CYP27C1: variants seen among roughly 807,000 people sequenced by gnomAD.
CYP27C1 encodes cytochrome P450 27C1.
A neutral mutation model predicts 40.6 loss-of-function variants in CYP27C1; 29 were observed. The observed-to-expected ratio is 0.71, with a 90% CI of 0.53 to 0.97. The LOEUF (loss-of-function observed/expected upper bound fraction) is 0.97, where lower values mean the gene tolerates loss of function less well. Ranked by LOEUF, CYP27C1 falls within the 50% of genes least tolerant of loss-of-function variation. The pLI is 0.00. For synonymous variants in CYP27C1, 198 were observed against 186.8 expected, an observed-to-expected ratio of 1.06 and a Z score of -0.49; for missense variants, 390 against 485.8, an observed-to-expected ratio of 0.80 and a Z score of 1.85.
In CYP27C1 at chr2:127,219,379, G is replaced by T. The variant is rs1683502861; in HGVS notation, c.282+610C>A. Among the ~76,000 whole-genome samples the T allele has an allele frequency of 6.6e-6, 1 of 150,972 alleles. No individual in the cohort carries two copies. The highest frequency in any genetic ancestry group is 2.1e-4 in the South Asian group (1 of 4,744). ...GGACCTCAGCCCTGGTGCCCTCCCC[G>T]CAGTCCCATTCCTGGTTTCCCTTCG... On this transcript the variant is annotated intron_variant, in intron 1 of 8. Transcript: ENST00000664447. This position sits in a 1 kb window ranked among gnomAD's most constrained non-coding sequence, Gnocchi z 8.7.
rs1683043357 is a variant in CYP27C1, at chr2:127,201,898, C to A, written c.674-567G>T. On this transcript the variant is annotated intron_variant, in intron 3 of 8. Coordinates refer to ENST00000664447, the MANE Select transcript of CYP27C1 (RefSeq NM_001367502.1). The surrounding 1 kb of genome is among the most constrained non-coding windows in gnomAD (Gnocchi z 6.0). ...GAGCTAAAGGCGCAGCAGAAGTGGC[C>A]TGGATGAATCCGTGTCGGGCAGAGC... Among the ~76,000 whole-genome samples the A allele has an allele frequency of 6.6e-6, 1 of 152,190 alleles. No individual in the cohort carries two copies. Among genetic ancestry groups the A allele is most frequent in the East Asian group, 1.9e-4 (1 of 5,188 alleles).
At chr2:127,216,659 T>C (rs1008900835) in intron 1 of CYP27C1, among the ~76,000 whole-genome samples, 4 of 152,354 alleles carry the variant, frequency 2.6e-5, no homozygotes, top group South Asian at 4.1e-4. Context: ...GGATGAATTA[T>C]ATGATATGTT....
chr2:127,208,995 A>C lies in CYP27C1; in HGVS notation c.283-2905T>G, dbSNP rs1683286841. 6.6e-6 allele frequency among the ~76,000 whole-genome samples: 1 copy of C among 152,150 alleles called. No homozygotes were observed. Among genetic ancestry groups the C allele is most frequent in the East Asian group, 1.9e-4 (1 of 5,184 alleles). On this transcript the variant is annotated intron_variant, in intron 1 of 8. Transcript: ENST00000664447. This position sits in a 1 kb window ranked among gnomAD's most constrained non-coding sequence, Gnocchi z 5.2. ...CAAGCAAAACACACCCTCCCCACCA[A>C]GGGACAAAGTGCTTTATTAAAAGGT...
rs751573782 is a variant in CYP27C1 at position 127,193,194 on chromosome 2, T to C, written c.1397A>G (p.Asp466Gly). Residue 466 changes from aspartate (D) to glycine (G), a missense_variant, in exon 8 of 9, where the codon GAT becomes GGT. Transcript: ENST00000664447. ...PERWLRKGDL[D>G]RVDNFGSIPF... is the part of the protein sequence containing the mutation. ...GATGGATCCAAAATTGTCAACTCTATCTAAGTCTCCTTTCCGCAGCCAGCG... is the reference window on the plus strand; with the variant it reads ...GATGGATCCAAAATTGTCAACTCTACCTAAGTCTCCTTTCCGCAGCCAGCG... 1.9e-6 allele frequency: 3 copies of C among 1,614,166 alleles called. No individual in the cohort carries two copies. The East Asian group carries it at 6.7e-5, about 36-fold the overall frequency.
At chr2:127,197,110 C>A (rs1273123854) in intron 5 of CYP27C1, among the ~76,000 whole-genome samples, 1 of 152,180 alleles carries the variant, frequency 6.6e-6, no homozygotes, top group Non-Finnish European at 1.5e-5. Context: ...TTCTTAGTTA[C>A]CACCAGGGGA....
chr2:127,217,301 G>A (rs998331333), intron 1 of CYP27C1, among the ~76,000 whole-genome samples: 5 of 152,166 alleles, frequency 3.3e-5, no homozygotes, highest in African/African-American at 1.2e-4. Context: ...TTGGAAGTTA[G>A]GTCCCACTAT....
chr2:127,191,584 G>C (rs1221682689), intron 8 of CYP27C1, among the ~76,000 whole-genome samples: 1 of 152,238 alleles, frequency 6.6e-6, no homozygotes, highest in Non-Finnish European at 1.5e-5. Flanking sequence ...GGGCTCAGAA[G>C]ATGAGAACAG....
chr2:127,211,073 G>T (rs2104698793), intron 1 of CYP27C1, among the ~76,000 whole-genome samples: 1 of 152,266 alleles, frequency 6.6e-6, no homozygotes, highest in East Asian at 1.9e-4. Flanking sequence ...ATTCTTCTCA[G>T]TGTACATGGC....
At chr2:127,204,522 A>AG (rs1683153239) in intron 2 of CYP27C1, among the ~76,000 whole-genome samples, 6 of 40,364 alleles carry the variant, frequency 1.5e-4, no homozygotes, top group East Asian at 1.8e-3. Context: ...AGAAGGAAAG[A>AG]AAGAAAGAAA....
In CYP27C1 at chr2:127,189,803, C is replaced by T. The variant is rs141082374; in HGVS notation, c.1498-2416G>A. 3.1e-3 allele frequency among the ~76,000 whole-genome samples: 468 copies of T among 152,304 alleles called. 3 individuals carry two copies. Among genetic ancestry groups the T allele is most frequent in the African/African-American group, 0.01 (435 of 41,546 alleles). ...CAGACCATCCTTGCATTCCTGAATA[C>T]ACCTGATGATATGTGAAGATGCCTT... is the stretch of plus-strand genomic sequence containing the variant. On this transcript the variant is annotated intron_variant, in intron 8 of 8. Transcript: ENST00000664447.
chr2:127,198,186 T>TACACACACACACACACACACAC (rs3033450), intron 5 of CYP27C1, among the ~76,000 whole-genome samples: 4 of 148,072 alleles, frequency 2.7e-5, no homozygotes, highest in South Asian at 2.2e-4. Context: ...AATTTGTTGA[T>TACACACACACACACACACACAC]ACACACACAC....
intron 5 of CYP27C1, among the ~76,000 whole-genome samples, chr2:127,198,830 T>G (rs1273835573): frequency 6.6e-6 from 1 of 152,176 alleles, no homozygotes; most frequent in East Asian, 1.9e-4. Context: ...TCTAAGATGT[T>G]CACGCAATGA....
intron 8 of CYP27C1, among the ~76,000 whole-genome samples, chr2:127,190,841 A>G (rs1406486315): frequency 1.3e-5 from 2 of 151,264 alleles, no homozygotes. Flanking sequence ...CAGCTACTCC[A>G]GAGGCTGAGG....
In CYP27C1 at chr2:127,201,298, C is replaced by G; in HGVS notation, c.707G>C (p.Gly236Ala). ...VATILYESRL[G>A]CLENSIPQLT... Reference sequence around the variant, plus strand: ...CTGTGGGATGCTGTTTTCCAGGCAGCCCAAACGACTCTCATAAAGGATGGT... The same window carrying G: ...CTGTGGGATGCTGTTTTCCAGGCAGGCCAAACGACTCTCATAAAGGATGGT... Residue 236 changes from glycine (G) to alanine (A), a missense_variant, in exon 4 of 9, where the codon GGC becomes GCC. Gly to Ala is a moderately conservative substitution (Grantham distance 60, BLOSUM62 0). Transcript: ENST00000664447. The surrounding 1 kb of genome is among the most constrained non-coding windows in gnomAD (Gnocchi z 6.0). The G allele has an allele frequency of 6.2e-7, 1 of 1,614,110 alleles. No homozygotes were observed. The highest frequency in any genetic ancestry group is 8.5e-7 in the Non-Finnish European group (1 of 1,180,030).
At chr2:127,215,533 A>C (rs1683415547) in intron 1 of CYP27C1, among the ~76,000 whole-genome samples, 1 of 152,178 alleles carries the variant, frequency 6.6e-6, no homozygotes, top group Non-Finnish European at 1.5e-5. Flanking sequence ...ATAGGACTTC[A>C]TCAAAATTTA....
At chr2:127,215,947 G>A (rs1271150086) in intron 1 of CYP27C1, among the ~76,000 whole-genome samples, 1 of 152,164 alleles carries the variant, frequency 6.6e-6, no homozygotes. Context: ...TGGTAAATAA[G>A]CACATGAAAA....
chr2:127,194,899 G>T (rs982754265), intron 6 of CYP27C1, among the ~76,000 whole-genome samples: 4 of 147,970 alleles, frequency 2.7e-5, no homozygotes, highest in Admixed American at 6.8e-5. Flanking sequence ...GGAGTGCACT[G>T]GTGCAATCTT....
Position 127,193,858 on chromosome 2 carries a change from T to C in CYP27C1, c.1224A>G (p.Pro408=). 6.2e-7 allele frequency: 1 copy of C among 1,614,138 alleles called. No individual in the cohort carries two copies. The change falls in exon 7 of 9, where the codon CCA becomes CCG. Residue 408 remains proline, a synonymous_variant. Coordinates refer to ENST00000664447, the MANE Select transcript of CYP27C1 (RefSeq NM_001367502.1). ...TGACCCGGCCGTTCCCTGGCAGCAC[T>C]GGAAACAGCCTGGAAAAGAGCCAGC... is the stretch of plus-strand genomic sequence containing the variant. ...ALLKETLRLF[P]VLPGNGRVTQ... is the part of the protein sequence containing the mutation.
intron 1 of CYP27C1, among the ~76,000 whole-genome samples, chr2:127,211,423 C>T (rs1683336733): frequency 7.2e-6 from 1 of 139,540 alleles, no homozygotes; most frequent in South Asian, 2.4e-4. Context: ...CGCTCTTTCA[C>T]CCAGGCTGGA....
Sources: gnomAD v4.1 joint callset for allele counts (sites outside exome capture counted in the v4.1 genomes callset) on GRCh38, gnomAD v4.1.1 for gene constraint, Gnocchi (gnomAD v3.1) non-coding constraint, MANE v1.5 for transcripts, NCBI Gene and HGNC (gene_info 2026-07-23, HGNC 2026-07-21) for gene names.